Variants in CNGA3 observed in about 807,000 individuals in gnomAD.
CNGA3 encodes cyclic nucleotide-gated channel alpha-3.
Under a neutral mutation model 46.6 loss-of-function variants are expected in CNGA3, and 42 were observed. The ratio of observed to expected loss-of-function variants is 0.90; its 90% CI spans 0.70 to 1.17. The LOEUF (loss-of-function observed/expected upper bound fraction) is 1.17, where lower values mean the gene tolerates loss of function less well. Ranked by LOEUF, CNGA3 falls within the 50% of genes most tolerant of loss-of-function variation. CNGA3 has a pLI of 0.00. For synonymous variants in CNGA3, 394 were observed against 369.4 expected (o/e 1.07, Z -0.76); for missense variants, 893 against 890.7 (o/e 1.00, Z -0.03).
At chr2:98,384,533 G>A (rs1244862129) in intron 5 of CNGA3, among the ~76,000 whole-genome samples, 2 of 152,182 alleles carry the variant, frequency 1.3e-5, no homozygotes, top group Admixed American at 6.5e-5. Flanking sequence ...AAGGAAGCAT[G>A]TCTTTTGTTT....
intron 5 of CNGA3, among the ~76,000 whole-genome samples, chr2:98,387,023 G>A (rs557255257): frequency 2.6e-5 from 4 of 152,334 alleles, no homozygotes; most frequent in African/African-American, 4.8e-5. Flanking sequence ...CATTTATGTT[G>A]TATAAGTTTG....
chr2:98,393,814 G>A lies in CNGA3; in HGVS notation c.673+1844G>A, dbSNP rs1574388779. Among the ~76,000 whole-genome samples, 8 of 152,042 alleles carry A rather than the reference G, an allele frequency of 5.3e-5. No individual in the cohort carries two copies. The South Asian group carries it at 1.7e-3, about 32-fold the overall frequency. ...TCACACTCCAAGGAAAACATCATTAGAATTGAGAGAAGACATCTTAAAGAA... is the reference window on the plus strand; with the variant it reads ...TCACACTCCAAGGAAAACATCATTAAAATTGAGAGAAGACATCTTAAAGAA... On this transcript the variant is annotated intron_variant, in intron 7 of 7. Coordinates refer to ENST00000272602, the MANE Select transcript of CNGA3 (RefSeq NM_001298.3).
chr2:98,386,679 A>C (rs1279581424), intron 5 of CNGA3, among the ~76,000 whole-genome samples: 1 of 152,212 alleles, frequency 6.6e-6, no homozygotes, highest in Non-Finnish European at 1.5e-5. Flanking sequence ...CTGTAATCAC[A>C]TGAGTCCTTA....
chr2:98,355,065 G>A (rs542360848), intron 1 of CNGA3, among the ~76,000 whole-genome samples: 1 of 152,304 alleles, frequency 6.6e-6, no homozygotes, highest in African/African-American at 2.4e-5. Flanking sequence ...TTCATGAGAT[G>A]ATTATGAGGT....
intron 4 of CNGA3, 51 bp from the exon 5 acceptor site, chr2:98,383,337 A>G (rs1692578700): frequency 2.5e-6 from 4 of 1,576,792 alleles, no homozygotes; most frequent in Middle Eastern, 3.3e-4. Flanking sequence ...AATGGCCCCA[A>G]GGAATGGAAA....
At chr2:98,379,860 T>C in intron 3 of CNGA3, 1 of 446,092 alleles carries the variant, frequency 2.2e-6, no homozygotes, top group South Asian at 2.5e-5. Flanking sequence ...AATCCCCCAT[T>C]TGAAGGATCA....
intron 1 of CNGA3, among the ~76,000 whole-genome samples, chr2:98,362,305 G>A (rs1211013305): frequency 1.3e-5 from 2 of 149,724 alleles, no homozygotes; most frequent in Admixed American, 6.7e-5. Context: ...TCAGCCTCCC[G>A]AGTAGCTAGG....
intron 7 of CNGA3, among the ~76,000 whole-genome samples, chr2:98,393,949 C>A (rs1056817553): frequency 6.6e-6 from 1 of 151,098 alleles, no homozygotes; most frequent in African/African-American, 2.4e-5. Flanking sequence ...GTGGGGTGTT[C>A]TTTGTTGTGA....
In CNGA3 at chr2:98,396,511, C is replaced by T. The variant is rs1558820514; in HGVS notation, c.1341C>T (p.Asn447=). 3.1e-6 allele frequency: 5 copies of T among 1,613,984 alleles called. No individual in the cohort carries two copies. The East Asian group carries it at 6.7e-5, about 22-fold the overall frequency. Reference sequence around the variant, plus strand: ...GGTGGTTTGACTACCTGTGGGCCAACAAGAAGACGGTGGATGAGAAGGAGG... The same window carrying T: ...GGTGGTTTGACTACCTGTGGGCCAATAAGAAGACGGTGGATGAGAAGGAGG... The part of the protein sequence containing the change: ...VIRWFDYLWA[N]KKTVDEKEVL... The change falls in exon 8 of 8, where the codon AAC becomes AAT. Residue 447 remains asparagine, a synonymous_variant. Coordinates refer to ENST00000272602, the MANE Select transcript of CNGA3 (RefSeq NM_001298.3).
chr2:98,373,834 G>C (rs1692343965), intron 2 of CNGA3, among the ~76,000 whole-genome samples: 1 of 152,188 alleles, frequency 6.6e-6, no homozygotes, highest in African/African-American at 2.4e-5. Context: ...TTTTGAATGA[G>C]CTTTGGGGCA....
Position 98,397,415 on chromosome 2 carries a change from A to G in CNGA3, c.*160A>G. 2 of 758,804 alleles carry G rather than the reference A, an allele frequency of 2.6e-6. No homozygotes were observed. Among genetic ancestry groups the G allele is most frequent in the Admixed American group, 4.8e-5 (2 of 41,660 alleles). 47.0% of individuals were successfully genotyped at this position (758,804 alleles called of 1,614,324 possible). A position where few individuals can be genotyped will look rare whatever the true frequency, so the allele number is the denominator to read the frequency against. ...GAGAGAACCTGTTTCTTCACCTAAA[A>G]AATGGGACTTTTTGTCTCAGTCCCA... On this transcript the variant is annotated 3_prime_UTR_variant, in exon 8 of 8. Transcript: ENST00000272602.
chr2:98,367,176 C>CCTTTTTTTTTT (rs1369254057), intron 1 of CNGA3, among the ~76,000 whole-genome samples: 1 of 115,528 alleles, frequency 8.7e-6, no homozygotes, highest in Non-Finnish European at 1.8e-5. Flanking sequence ...TGTTTTTTTT[C>CCTTTTTTTTTT]TTTTTTTTCT....
intron 1 of CNGA3, among the ~76,000 whole-genome samples, chr2:98,347,334 C>G (rs116807729): frequency 1.3e-5 from 2 of 152,180 alleles, no homozygotes; most frequent in Non-Finnish European, 2.9e-5. Flanking sequence ...CTGCAATCCC[C>G]TAACCGGATA....
At chr2:98,368,950 C>T (rs1401768132) in intron 1 of CNGA3, among the ~76,000 whole-genome samples, 1 of 152,140 alleles carries the variant, frequency 6.6e-6, no homozygotes, top group Non-Finnish European at 1.5e-5. Flanking sequence ...CTCAAAAGGC[C>T]GATCTTAGGC....
chr2:98,388,908 C>A (rs971886284), intron 5 of CNGA3, among the ~76,000 whole-genome samples: 1 of 152,200 alleles, frequency 6.6e-6, no homozygotes, highest in Non-Finnish European at 1.5e-5. Context: ...CAGGCCTGGG[C>A]CAGCGTGGGT....
intron 1 of CNGA3, among the ~76,000 whole-genome samples, chr2:98,359,553 G>T (rs1418771757): frequency 3.3e-5 from 5 of 152,180 alleles, no homozygotes; most frequent in Non-Finnish European, 7.4e-5. Context: ...CCACCTGGAG[G>T]CCAGGTTCAA....
intron 5 of CNGA3, among the ~76,000 whole-genome samples, chr2:98,386,488 A>G (rs1011501251): frequency 5.3e-5 from 8 of 152,340 alleles, no homozygotes; most frequent in Non-Finnish European, 1.0e-4. Flanking sequence ...GCCGCCACGT[A>G]AGATGTGACT....
At chr2:98,376,418 G>A (rs958369013) in intron 2 of CNGA3, among the ~76,000 whole-genome samples, 3 of 152,114 alleles carry the variant, frequency 2.0e-5, no homozygotes, top group African/African-American at 7.2e-5. Context: ...GGTAGAAGAC[G>A]AAGCTACCTG....
At chr2:98,377,022 G>T (rs1692418675) in intron 2 of CNGA3, among the ~76,000 whole-genome samples, 1 of 152,232 alleles carries the variant, frequency 6.6e-6, no homozygotes, top group Non-Finnish European at 1.5e-5. Context: ...CCTCTGCCTT[G>T]CAGGAGAGAG....
Sources: allele counts gnomAD v4.1 joint callset (sites outside exome capture counted in the v4.1 genomes callset), GRCh38; gene constraint gnomAD v4.1.1; transcripts MANE v1.5; gene names NCBI Gene and HGNC (gene_info 2026-07-23, HGNC 2026-07-21).